The following RORA variants were observed in gnomAD, a reference collection of about 807,000 sequenced individuals.
RORA encodes the protein RAR related orphan receptor A.
In RORA, 7 loss-of-function variants were observed where a neutral mutation model predicts 69.5. That is an observed-to-expected ratio of 0.10 (90% CI 0.06 to 0.19). RORA has a LOEUF of 0.19. RORA is among the 10% of genes least tolerant of loss of function. The probability of loss-of-function intolerance (pLI) is 1.00; values close to 1 mark genes in which losing one functional copy is unlikely to be tolerated. For synonymous variants in RORA, 261 were observed against 240.8 expected, an observed-to-expected ratio of 1.08 and a Z score of -0.78; for missense variants, 457 against 663.0, an observed-to-expected ratio of 0.69 and a Z score of 3.41.
chr15:60,717,796 C>CTTTTTTTTTTTTTTTTTTT (rs10653856), intron 1 of RORA, among the ~76,000 whole-genome samples: 6 of 91,968 alleles, frequency 6.5e-5, no homozygotes, highest in African/African-American at 1.7e-4. Flanking sequence ...TTCTTTTTCT[C>CTTTTTTTTTTTTTTTTTTT]TTTTTTTTTT....
intron 1 of RORA, among the ~76,000 whole-genome samples, chr15:60,904,697 T>C (rs1411568359): frequency 6.6e-6 from 1 of 152,176 alleles, no homozygotes; most frequent in Admixed American, 6.5e-5. Context: ...AACTACTCTA[T>C]TCAAACTACC....
intron 2 of RORA, among the ~76,000 whole-genome samples, chr15:60,585,622 A>G (rs576658655): frequency 6.6e-6 from 1 of 152,352 alleles, no homozygotes; most frequent in Non-Finnish European, 1.5e-5. Flanking sequence ...GGGAATTAGA[A>G]TGGAGTTTGA....
At chr15:60,617,036 A>G (rs1376547624) in intron 2 of RORA, among the ~76,000 whole-genome samples, 7 of 152,248 alleles carry the variant, frequency 4.6e-5, no homozygotes, top group Non-Finnish European at 8.8e-5. Flanking sequence ...GAAATCAATC[A>G]AACAAAAAAG....
At chr15:61,120,866 G>C (rs183687671) in intron 1 of RORA, among the ~76,000 whole-genome samples, 19 of 148,004 alleles carry the variant, frequency 1.3e-4, no homozygotes, top group Non-Finnish European at 2.4e-4. Flanking sequence ...TTTTTTTTTT[G>C]AGATCGAGTC....
intron 1 of RORA, among the ~76,000 whole-genome samples, chr15:61,074,705 T>C (rs557830032): frequency 3.0e-4 from 46 of 152,340 alleles, no homozygotes; most frequent in African/African-American, 1.1e-3. Context: ...TTCTCAATGT[T>C]CTAGCTCCCA....
At chr15:61,157,361 ACT>A (rs1305182348) in intron 1 of RORA, among the ~76,000 whole-genome samples, 1 of 152,164 alleles carries the variant, frequency 6.6e-6, no homozygotes, top group Non-Finnish European at 1.5e-5. Flanking sequence ...AGGTAGGTTA[ACT>A]CTTCTGAGTT....
chr15:61,094,314 T>A (rs1396473849), intron 1 of RORA, among the ~76,000 whole-genome samples: 4 of 152,202 alleles, frequency 2.6e-5, no homozygotes, highest in African/African-American at 9.7e-5. Context: ...GGAAGGAAGA[T>A]CTAGGCCATT....
intron 2 of RORA, among the ~76,000 whole-genome samples, chr15:60,654,806 GAGCC>G (rs961938101): frequency 2.4e-4 from 37 of 152,308 alleles, no homozygotes; most frequent in African/African-American, 8.9e-4. Context: ...ACAGAGGAAG[GAGCC>G]ATGAGACAAG....
At position 60,888,266 on chromosome 15, in the gene RORA, C is replaced by G. The variant is rs2073773524; in HGVS notation, c.167-209580G>C. On this transcript the variant is annotated intron_variant, in intron 1 of 10. Coordinates refer to ENST00000335670, the MANE Select transcript of RORA (RefSeq NM_134261.3). ...GGGTCCCAGCTGGGCGGTCCCAAAC[C>G]TGTCAGGTCTGACCACCCCACCTCA... 1.3e-5 allele frequency among the ~76,000 whole-genome samples: 2 copies of G among 152,244 alleles called. 1 individual carries two copies. The highest frequency in any genetic ancestry group is 4.1e-4 in the South Asian group (2 of 4,832).
At chr15:61,125,839 T>A (rs947918635) in intron 1 of RORA, among the ~76,000 whole-genome samples, 5 of 152,150 alleles carry the variant, frequency 3.3e-5, no homozygotes, top group East Asian at 1.9e-4. Context: ...AGCACATTCT[T>A]AAAAAATCAA....
intron 1 of RORA, among the ~76,000 whole-genome samples, chr15:61,210,690 C>T (rs1321834150): frequency 1.3e-5 from 2 of 152,146 alleles, no homozygotes; most frequent in Non-Finnish European, 1.5e-5. Flanking sequence ...TAAAAGGGAA[C>T]TTTTTGAAAC....
At chr15:61,137,300 C>G (rs1030459734) in intron 1 of RORA, among the ~76,000 whole-genome samples, 4 of 152,204 alleles carry the variant, frequency 2.6e-5, no homozygotes. Context: ...TCATACAATA[C>G]AGACAATATC....
chr15:60,751,120 G>A (rs1032710602), intron 1 of RORA, among the ~76,000 whole-genome samples: 1 of 152,160 alleles, frequency 6.6e-6, no homozygotes, highest in African/African-American at 2.4e-5. Flanking sequence ...ACAGTCAGAG[G>A]CCCTAAGGAG....
chr15:60,773,982 C>T (rs910262397), intron 1 of RORA, among the ~76,000 whole-genome samples: 4 of 152,220 alleles, frequency 2.6e-5, no homozygotes, highest in Admixed American at 6.5e-5. Context: ...CTTTAAGATG[C>T]TAATTGTTCA....
At chr15:60,791,182 T>C (rs552992739) in intron 1 of RORA, among the ~76,000 whole-genome samples, 2 of 152,284 alleles carry the variant, frequency 1.3e-5, no homozygotes, top group South Asian at 2.1e-4. Context: ...CAGTTACTAC[T>C]TGGGCAAGTC....
At chr15:60,575,492 A>G (rs995976819) in intron 2 of RORA, among the ~76,000 whole-genome samples, 1 of 152,346 alleles carries the variant, frequency 6.6e-6, no homozygotes, top group East Asian at 1.9e-4. Flanking sequence ...GGAAAATTCC[A>G]AAGTCGAGTC....
chr15:60,593,276 C>G (rs905950197), intron 2 of RORA: 17 of 164,178 alleles, frequency 1.0e-4, no homozygotes, highest in Non-Finnish European at 1.7e-4. Context: ...CAAGGAAAGC[C>G]GGAAATTGTA....
chr15:60,616,190 C>T lies in RORA; in HGVS notation c.196+62467G>A, dbSNP rs566592987. Among the ~76,000 whole-genome samples the T allele has an allele frequency of 8.9e-4, 136 of 152,182 alleles. 1 individual carries two copies. Among genetic ancestry groups the T allele is most frequent in the Non-Finnish European group, 1.5e-3 (105 of 68,000 alleles). Reference sequence around the variant, plus strand: ...ATGTATTTGTGGTTTGGGGATCAACCGAGAGCAAGGTAAATTAGGGAACAT... The same window carrying T: ...ATGTATTTGTGGTTTGGGGATCAACTGAGAGCAAGGTAAATTAGGGAACAT... On this transcript the variant is annotated intron_variant, in intron 2 of 10. Coordinates refer to ENST00000335670, the MANE Select transcript of RORA (RefSeq NM_134261.3).
chr15:60,634,399 C>CTTTT (rs10604472), intron 2 of RORA, among the ~76,000 whole-genome samples: 5 of 142,614 alleles, frequency 3.5e-5, no homozygotes, highest in Non-Finnish European at 3.1e-5. Flanking sequence ...AGTGCTACCA[C>CTTTT]TTTTTTTTTT....
Sources: gnomAD v4.1 joint callset for allele counts (sites outside exome capture counted in the v4.1 genomes callset) on GRCh38, gnomAD v4.1.1 for gene constraint, MANE v1.5 for transcripts, NCBI Gene and HGNC (gene_info 2026-07-23, HGNC 2026-07-21) for gene names.